Variants in BTRC observed in about 807,000 individuals in gnomAD.
The protein encoded by BTRC is F-box/WD repeat-containing protein 1A.
Under a neutral mutation model 85.5 loss-of-function variants are expected in BTRC, and 42 were observed. That is an observed-to-expected ratio of 0.49 (90% CI 0.38 to 0.64). The LOEUF (loss-of-function observed/expected upper bound fraction) is 0.64, where lower values mean the gene tolerates loss of function less well. Ranked by LOEUF, BTRC falls within the 30% of genes least tolerant of loss-of-function variation. The probability of loss-of-function intolerance (pLI) is 0.00; values close to 1 mark genes in which losing one functional copy is unlikely to be tolerated. For synonymous variants in BTRC, 255 were observed against 263.3 expected, an observed-to-expected ratio of 0.97 and a Z score of 0.30; for missense variants, 594 against 743.5, an observed-to-expected ratio of 0.80 and a Z score of 2.34.
At chr10:101,485,697 A>G (rs1945967073) in intron 4 of BTRC, among the ~76,000 whole-genome samples, 1 of 152,184 alleles carries the variant, frequency 6.6e-6, no homozygotes. Context: ...CCACTGATAT[A>G]TCTGACTGAG....
At chr10:101,522,377 C>A (rs11191038) in intron 5 of BTRC, among the ~76,000 whole-genome samples, 8,918 of 48,652 alleles carry the variant, frequency 0.18, 1,187 homozygotes, top group Non-Finnish European at 0.26. Flanking sequence ...CAAAAAAAAA[C>A]AAAAAAAAAA....
intron 1 of BTRC, among the ~76,000 whole-genome samples, chr10:101,357,957 G>T (rs1476772457): frequency 7.2e-5 from 11 of 151,998 alleles, no homozygotes; most frequent in Non-Finnish European, 1.5e-5. Flanking sequence ...TACTTTTTTG[G>T]TTAACAAAAG....
intron 1 of BTRC, among the ~76,000 whole-genome samples, chr10:101,370,927 T>C (rs1377823860): frequency 6.6e-6 from 1 of 152,148 alleles, no homozygotes; most frequent in Non-Finnish European, 1.5e-5. Context: ...CATACATATG[T>C]ACCTATATAC....
intron 4 of BTRC, among the ~76,000 whole-genome samples, chr10:101,507,208 A>G (rs1946564906): frequency 6.6e-6 from 1 of 152,198 alleles, no homozygotes; most frequent in Admixed American, 6.5e-5. Flanking sequence ...GTAGAAAGTT[A>G]ACTGCCTGGA....
At chr10:101,529,856 C>G (rs949798176) in intron 6 of BTRC, among the ~76,000 whole-genome samples, 1 of 152,070 alleles carries the variant, frequency 6.6e-6, no homozygotes, top group Non-Finnish European at 1.5e-5. Context: ...ATGACTGGCC[C>G]AGAGAAAACA....
chr10:101,466,033 A>G (rs1945362509), intron 3 of BTRC, among the ~76,000 whole-genome samples: 1 of 152,196 alleles, frequency 6.6e-6, no homozygotes, highest in Admixed American at 6.5e-5. Context: ...TCTGCAATCA[A>G]GGGCAAAGGC....
chr10:101,420,539 A>G (rs1465712116), intron 1 of BTRC, among the ~76,000 whole-genome samples: 1 of 151,970 alleles, frequency 6.6e-6, no homozygotes, highest in Non-Finnish European at 1.5e-5. Context: ...GTGGATGTGG[A>G]CATCCTCATC....
At chr10:101,523,989 G>A (rs2134380900) in intron 5 of BTRC, among the ~76,000 whole-genome samples, 1 of 152,128 alleles carries the variant, frequency 6.6e-6, no homozygotes, top group South Asian at 2.1e-4. Context: ...ACATTTTAAG[G>A]CTTTTAATAC....
At chr10:101,530,087 A>G (rs2062257506) in intron 6 of BTRC, among the ~76,000 whole-genome samples, 1 of 152,094 alleles carries the variant, frequency 6.6e-6, no homozygotes, top group Non-Finnish European at 1.5e-5. Flanking sequence ...GCAAAGATCT[A>G]GCTTGGGATA....
intron 1 of BTRC, among the ~76,000 whole-genome samples, chr10:101,382,329 A>G (rs910843469): frequency 2.0e-5 from 3 of 151,988 alleles, no homozygotes; most frequent in East Asian, 3.9e-4. Flanking sequence ...CCAGGATCCA[A>G]TCATGTTATA....
At chr10:101,454,363 G>T (rs1423194724) in intron 2 of BTRC, among the ~76,000 whole-genome samples, 1 of 152,196 alleles carries the variant, frequency 6.6e-6, no homozygotes, top group East Asian at 1.9e-4. Context: ...GTAGAGTAAG[G>T]TGGAGTAGTT....
intron 3 of BTRC, among the ~76,000 whole-genome samples, chr10:101,462,970 C>T (rs1224790195): frequency 1.1e-4 from 17 of 151,452 alleles, no homozygotes; most frequent in Admixed American, 9.2e-4. Context: ...TGGGTTCAAG[C>T]GATTCTCCTG....
chr10:101,554,441 C>G lies in BTRC; in HGVS notation c.*1318C>G, dbSNP rs2062700535. The G allele has an allele frequency of 6.6e-6, 1 of 152,424 alleles. No individual in the cohort carries two copies. The highest frequency in any genetic ancestry group is 2.4e-5 in the African/African-American group (1 of 41,360). The allele number at this position is 152,424 out of a possible 1,614,324, so 9.4% of individuals were successfully genotyped here. A position where few individuals can be genotyped will look rare whatever the true frequency, so the allele number is the denominator to read the frequency against. On this transcript the variant is annotated 3_prime_UTR_variant, in exon 15 of 15. Transcript: ENST00000370187. ...TTTTTGTTGTTTTGTTTTGTTTTGG[C>G]CAGTTAAATATCATCTCTCAAATAT...
intron 4 of BTRC, among the ~76,000 whole-genome samples, chr10:101,519,137 G>A (rs1439875039): frequency 7.1e-6 from 1 of 141,488 alleles, no homozygotes; most frequent in Non-Finnish European, 1.5e-5. Flanking sequence ...GGAGTGCAAT[G>A]GCGTGATCTC....
chr10:101,522,352 T>TAAAAAAAAAA (rs34282047), intron 5 of BTRC, among the ~76,000 whole-genome samples: 9 of 42,052 alleles, frequency 2.1e-4, no homozygotes, highest in Admixed American at 4.0e-4. Flanking sequence ...TATAAAGCTT[T>TAAAAAAAAAA]AAAAAAAAAA....
At chr10:101,537,409 T>C (rs1270655130) in intron 12 of BTRC, among the ~76,000 whole-genome samples, 1 of 152,120 alleles carries the variant, frequency 6.6e-6, no homozygotes, top group Non-Finnish European at 1.5e-5. Flanking sequence ...GCGCCTGTAA[T>C]CCCAGCTACT....
At chr10:101,536,459 A>G (rs1175265521) in intron 11 of BTRC, 84 bp from the exon 12 acceptor site, 5 of 917,914 alleles carry the variant, frequency 5.4e-6, no homozygotes, top group African/African-American at 3.3e-5. Flanking sequence ...GAATTTTTAG[A>G]AGGCATATGA....
intron 4 of BTRC, among the ~76,000 whole-genome samples, chr10:101,521,087 A>G (rs994188912): frequency 1.3e-5 from 2 of 152,162 alleles, no homozygotes; most frequent in Non-Finnish European, 2.9e-5. Context: ...GGGCAACAAA[A>G]GAAGACTCCA....
intron 3 of BTRC, 54 bp downstream of exon 3, chr10:101,462,112 A>C: frequency 7.9e-7 from 1 of 1,265,008 alleles, no homozygotes; most frequent in Non-Finnish European, 1.1e-6. Flanking sequence ...AAAACAAAAG[A>C]CAGGAGGAAA....
Sources: gnomAD v4.1 joint callset for allele counts (sites outside exome capture counted in the v4.1 genomes callset) on GRCh38, gnomAD v4.1.1 for gene constraint, MANE v1.5 for transcripts, NCBI Gene and HGNC (gene_info 2026-07-23, HGNC 2026-07-21) for gene names.